The following NBPF6 variants were observed in gnomAD, a reference collection of about 807,000 sequenced individuals.
NBPF6 encodes the protein NBPF member 6.
Under a neutral mutation model 20.8 loss-of-function variants are expected in NBPF6, and 2 were observed. The ratio of observed to expected loss-of-function variants is 0.10; its 90% CI spans 0.04 to 0.30. The LOEUF (loss-of-function observed/expected upper bound fraction) is 0.30, where lower values mean the gene tolerates loss of function less well. Among genes scored for constraint, NBPF6 ranks in the 10% least tolerant of loss-of-function variants. The probability of loss-of-function intolerance (pLI) is 1.00; values close to 1 mark genes in which losing one functional copy is unlikely to be tolerated. For synonymous variants in NBPF6, 24 were observed against 100.0 expected, an observed-to-expected ratio of 0.24 and a Z score of 4.53; for missense variants, 85 against 260.3, an observed-to-expected ratio of 0.33 and a Z score of 4.63.
At chr1:108,449,424 A>C (rs79558880), upstream of NBPF6, among the ~76,000 whole-genome samples, 88 of 9,592 alleles carry the variant, frequency 9.2e-3, no homozygotes, top group African/African-American at 0.013. Context: ...AACTATATAT[A>C]TATATATATA....
upstream of NBPF6, among the ~76,000 whole-genome samples, chr1:108,448,204 C>A (rs1254232047): frequency 8.3e-5 from 12 of 145,274 alleles, no homozygotes; most frequent in Non-Finnish European, 1.8e-4. Context: ...CCATCCTCCA[C>A]CTACACTGTG....
upstream of NBPF6, among the ~76,000 whole-genome samples, chr1:108,447,794 G>T (rs1327275819): frequency 7.0e-6 from 1 of 142,384 alleles, no homozygotes; most frequent in African/African-American, 2.6e-5. Context: ...TCACGGCCAG[G>T]TCATTCTGAG....
the NBPF6 span, among the ~76,000 whole-genome samples, chr1:108,442,405 T>TA: frequency 1.3e-5 from 2 of 152,292 alleles, no homozygotes; most frequent in Admixed American, 6.5e-5. Context: ...ATAATACTTT[T>TA]AAAAAATTGC....
At position 108,470,569 on chromosome 1, in the gene NBPF6, T is replaced by G. The variant is rs760725413; in HGVS notation, c.1876-28T>G. Reference sequence around the variant, plus strand: ...GGTGGACCTGACAAAAATGCTCATTTGATTTTTTTTCTCTCTCTCCCCTAC... The same window carrying G: ...GGTGGACCTGACAAAAATGCTCATTGGATTTTTTTTCTCTCTCTCCCCTAC... On this transcript the variant is annotated intron_variant, in intron 14 of 14. Transcript: ENST00000495380. The G allele has an allele frequency of 4.5e-5, 69 of 1,541,904 alleles. 1 individual carries two copies. In the South Asian group the frequency reaches 7.9e-4, roughly 18 times the overall value.
chr1:108,448,103 G>C (rs1480201970), upstream of NBPF6, among the ~76,000 whole-genome samples: 1 of 141,272 alleles, frequency 7.1e-6, no homozygotes, highest in Admixed American at 7.0e-5. Flanking sequence ...CGTGTGATGA[G>C]TGTGACCATA....
the NBPF6 span, among the ~76,000 whole-genome samples, chr1:108,437,793 A>AG: frequency 3.3e-5 from 1 of 30,490 alleles, no homozygotes; most frequent in Non-Finnish European, 8.5e-5. Context: ...GGAGAGAGGG[A>AG]GGGAGGGGAG....
the NBPF6 span, among the ~76,000 whole-genome samples, chr1:108,437,764 A>AAGGG: frequency 1.0e-3 from 34 of 32,940 alleles, no homozygotes; most frequent in African/African-American, 1.5e-3. Context: ...GGAAGGAAGG[A>AAGGG]AGGGAGGGAG....
In NBPF6 at chr1:108,452,761, G is replaced by C. The variant is rs1423804465; in HGVS notation, c.279-420G>C. The stretch of plus-strand genomic sequence containing the variant: ...TGGCCACATTTCTGTGCATGGCTTT[G>C]TATCTAGTCACTGCAAGATGCGCTA... On this transcript the variant is annotated intron_variant, in intron 3 of 14. Coordinates refer to ENST00000495380, the MANE Select transcript of NBPF6 (RefSeq NM_001143988.2). Among the ~76,000 whole-genome samples the C allele has an allele frequency of 1.1e-4, 8 of 75,178 alleles. 1 individual carries two copies. In the South Asian group the frequency reaches 1.8e-3, roughly 17 times the overall value. The allele number at this position is 75,178 out of a possible 152,430, so 49.3% of individuals were successfully genotyped here.
At chr1:108,464,752 GC>G (rs1275780282) in intron 12 of NBPF6, among the ~76,000 whole-genome samples, 1 of 50,662 alleles carries the variant, frequency 2.0e-5, no homozygotes, top group South Asian at 7.3e-4. Context: ...TAGCATCCCA[GC>G]CCCCTTTTTC....
rs756855296 is a variant in NBPF6 at position 108,470,621 on chromosome 1, C to G, written c.1900C>G (p.Gln634Glu). 16 of 1,556,314 alleles carry G rather than the reference C, an allele frequency of 1.0e-5. No individual in the cohort carries two copies. The South Asian group carries it at 1.8e-4, about 17-fold the overall frequency. ...AEIPNTAERM[Q>E]RMIG ...GATACCAAATACTGCTGAAAGGATG[C>G]AAAGGATGATAGGATGAAAGAATGT... The change falls in exon 15 of 15, where the codon CAA (glutamine) becomes GAA (glutamate). Residue 634 changes from glutamine to glutamate, a missense_variant. Transcript: ENST00000495380.
upstream of NBPF6, among the ~76,000 whole-genome samples, chr1:108,448,168 G>A (rs1171988714): frequency 6.9e-6 from 1 of 145,712 alleles, no homozygotes; most frequent in African/African-American, 2.5e-5. Context: ...AATCCCAGCG[G>A]AAAGCATGCC....
chr1:108,427,033 TC>T, the NBPF6 span, among the ~76,000 whole-genome samples: 1 of 54,642 alleles, frequency 1.8e-5, no homozygotes, highest in Non-Finnish European at 3.8e-5. Flanking sequence ...TTGTTTGTTC[TC>T]CCATAACTTG....
At chr1:108,468,242 C>T (rs1344141918) in intron 14 of NBPF6, among the ~76,000 whole-genome samples, 1 of 150,350 alleles carries the variant, frequency 6.7e-6, no homozygotes. Context: ...TCCCTACTGG[C>T]CTGGAGTCAG....
In NBPF6 at chr1:108,467,782, C is replaced by T. The variant is rs1653222485; in HGVS notation, c.1875+117C>T. 3.9e-5 allele frequency: 41 copies of T among 1,062,020 alleles called. No homozygotes were observed. In the South Asian group the frequency reaches 6.2e-4, roughly 16 times the overall value. The allele number at this position is 1,062,020 out of a possible 1,614,324, so 65.8% of individuals were successfully genotyped here. ...TGTTCTCTCCAACAGCTGCTCTAAC[C>T]TCTGTCTGGTCTTAGCTCTGTGTCC... On this transcript the variant is annotated intron_variant, in intron 14 of 14. Transcript: ENST00000495380.
rs1262638200 is a variant in NBPF6 at position 108,465,253 on chromosome 1, G to C, written c.1489G>C (p.Val497Leu). The C allele has an allele frequency of 8.4e-7, 1 of 1,195,990 alleles. No homozygotes were observed. The highest frequency in any genetic ancestry group is 1.1e-6 in the Non-Finnish European group (1 of 882,016). 74.1% of individuals were successfully genotyped at this position (1,195,990 alleles called of 1,614,324 possible). Reference protein sequence around the residue: ...SGDLSHHRSEVQISQAQLEPS... With the variant: ...SGDLSHHRSELQISQAQLEPS... The stretch of plus-strand genomic sequence containing the variant: ...AGACTTGAGCCACCACCGGTCAGAG[G>C]TTCAAATTTCACAGGCACAGCTGGA... The change falls in exon 13 of 15, where the codon GTT becomes CTT. Residue 497 changes from valine to leucine, a missense_variant. By Grantham distance (32) the Val-to-Leu change is conservative. Coordinates refer to ENST00000495380, the MANE Select transcript of NBPF6 (RefSeq NM_001143988.2).
chr1:108,448,490 G>T (rs1297392404), upstream of NBPF6, among the ~76,000 whole-genome samples: 2 of 140,066 alleles, frequency 1.4e-5, no homozygotes, highest in East Asian at 4.2e-4. Flanking sequence ...TCTGAATTTC[G>T]GTCCCAATGC....
chr1:108,470,952 T>C lies in NBPF6; in HGVS notation c.*314T>C, dbSNP rs1329717481. ...GCAGCTGCTGGCAGGAGACAGCATG[T>C]CAGCCGGGACTCTGCCAGGGCAGAG... On this transcript the variant is annotated 3_prime_UTR_variant, in exon 15 of 15. Transcript: ENST00000495380. The C allele has an allele frequency of 2.1e-4, 54 of 260,056 alleles. No homozygotes were observed. Among genetic ancestry groups the C allele is most frequent in the Non-Finnish European group, 8.1e-5 (11 of 136,028 alleles). The allele number at this position is 260,056 out of a possible 1,614,324, so 16.1% of individuals were successfully genotyped here.
At chr1:108,436,438 T>C in the NBPF6 span, among the ~76,000 whole-genome samples, 1 of 90,294 alleles carries the variant, frequency 1.1e-5, no homozygotes, top group Non-Finnish European at 2.6e-5. Flanking sequence ...TGGTGAAACC[T>C]CGTCTCTACT....
chr1:108,471,008 G>A lies in NBPF6; in HGVS notation c.*370G>A, dbSNP rs374163912. ...GCAATGCCATGTTCTTGCTGAAAAC[G>A]TTTAGCCTGAGTTTCATAGGAGGTA... On this transcript the variant is annotated 3_prime_UTR_variant, in exon 15 of 15. Coordinates refer to ENST00000495380, the MANE Select transcript of NBPF6 (RefSeq NM_001143988.2). 1.5e-4 allele frequency: 28 copies of A among 180,910 alleles called. No homozygotes were observed. In the East Asian group the frequency reaches 2.9e-3, roughly 19 times the overall value. 11.2% of individuals were successfully genotyped at this position (180,910 alleles called of 1,614,324 possible). A position where few individuals can be genotyped will look rare whatever the true frequency, so the allele number is the denominator to read the frequency against.
Sources: gnomAD v4.1 joint callset for allele counts (sites outside exome capture counted in the v4.1 genomes callset) on GRCh38, gnomAD v4.1.1 for gene constraint, MANE v1.5 for transcripts, NCBI Gene and HGNC (gene_info 2026-07-23, HGNC 2026-07-21) for gene names.